Variants in SEPTIN9 observed in about 807,000 individuals in gnomAD.
The protein encoded by SEPTIN9 is septin 9.
In SEPTIN9, 13 loss-of-function variants were observed where a neutral mutation model predicts 56.6. The ratio of observed to expected loss-of-function variants is 0.23; its 90% CI spans 0.15 to 0.37. The LOEUF (loss-of-function observed/expected upper bound fraction) is 0.37. Among genes scored for constraint, SEPTIN9 ranks in the 10% least tolerant of loss-of-function variants. The pLI, the probability that SEPTIN9 is intolerant of heterozygous loss-of-function variation, is 1.00. For missense variants in SEPTIN9, 650 were observed against 823.1 expected (o/e 0.79, Z 2.57); for synonymous variants, 332 against 334.1 (o/e 0.99, Z 0.07).
Position 77,371,186 on chromosome 17 carries a change from G to A in SEPTIN9, c.77-30873G>A, listed in dbSNP as rs758116626. Among the ~76,000 whole-genome samples, 3 of 152,212 alleles carry A rather than the reference G, an allele frequency of 2.0e-5. No individual in the cohort carries two copies. The highest frequency in any genetic ancestry group is 2.9e-5 in the Non-Finnish European group (2 of 68,042). On this transcript the variant is annotated intron_variant, in intron 2 of 11. Transcript: ENST00000427177. The surrounding 1 kb of genome is among the most constrained non-coding windows in gnomAD (Gnocchi z 4.1). Reference sequence around the variant, plus strand: ...TAGGCCTGGTCATGTGGCTCTGAGTGATTACATTGAAGGGGCAGTGGCTGG... The same window carrying A: ...TAGGCCTGGTCATGTGGCTCTGAGTAATTACATTGAAGGGGCAGTGGCTGG...
intron 2 of SEPTIN9, among the ~76,000 whole-genome samples, chr17:77,334,776 G>A (rs2033481264): frequency 6.6e-6 from 1 of 152,034 alleles, no homozygotes; most frequent in South Asian, 2.1e-4. Context: ...ATAGCCGTCA[G>A]GATGTTGTAT....
intron 10 of SEPTIN9, among the ~76,000 whole-genome samples, chr17:77,493,457 C>T (rs934295869): frequency 4.6e-5 from 7 of 152,192 alleles, no homozygotes; most frequent in African/African-American, 1.2e-4. Flanking sequence ...GATGGACCCT[C>T]GGCCCCTTAC....
intron 2 of SEPTIN9, chr17:77,373,785 C>G (rs2034812594): frequency 4.4e-6 from 3 of 688,210 alleles, no homozygotes; most frequent in Non-Finnish European, 6.5e-6. Flanking sequence ...CGCGCCCTCA[C>G]AGGACCCTGT....
intron 3 of SEPTIN9, among the ~76,000 whole-genome samples, chr17:77,409,052 T>G (rs556493568): frequency 1.1e-3 from 169 of 152,072 alleles, no homozygotes; most frequent in African/African-American, 3.9e-3. Context: ...CTTCTGGAGG[T>G]GTCCAGAAGG....
At position 77,429,298 on chromosome 17, in the gene SEPTIN9, G is replaced by T. The variant is rs1257293690; in HGVS notation, c.721+26595G>T. The T allele has an allele frequency of 4.2e-6, 2 of 471,024 alleles. No homozygotes were observed. Among genetic ancestry groups the T allele is most frequent in the Admixed American group, 4.7e-5 (2 of 42,588 alleles). 29.2% of individuals were successfully genotyped at this position (471,024 alleles called of 1,614,324 possible). The stretch of plus-strand genomic sequence containing the variant: ...TTGATGGTGCCGATGCCGTCAGCAC[G>T]CAGGCCTCCTGCCCTCGCCACGACT... On this transcript the variant is annotated intron_variant, in intron 3 of 11. Transcript: ENST00000427177. The surrounding 1 kb of genome is among the most constrained non-coding windows in gnomAD (Gnocchi z 5.2).
chr17:77,442,910 CA>C (rs1408916423), intron 3 of SEPTIN9, among the ~76,000 whole-genome samples: 2 of 149,834 alleles, frequency 1.3e-5, no homozygotes, highest in East Asian at 2.0e-4. Flanking sequence ...CATATTATGG[CA>C]AAACAAATGA....
chr17:77,499,078 TCGGCCCTGTCCC>T lies in SEPTIN9; in HGVS notation c.*422_*433del. 1 of 535,674 alleles carries T rather than the reference TCGGCCCTGTCCC, an allele frequency of 1.9e-6. No homozygotes were observed. The highest frequency in any genetic ancestry group is 1.5e-5 in the South Asian group (1 of 65,218). 33.2% of individuals were successfully genotyped at this position (535,674 alleles called of 1,614,324 possible). A position where few individuals can be genotyped will look rare whatever the true frequency, so the allele number is the denominator to read the frequency against. ...GGCTGCACGCTCCCCTCCATCCCCATCGGCCCTGTCCCCTGGAGTGTGTCAGAGCCCAGGGGA... is the reference window on the plus strand; with the variant it reads ...GGCTGCACGCTCCCCTCCATCCCCATCTGGAGTGTGTCAGAGCCCAGGGGA... On this transcript the variant is annotated 3_prime_UTR_variant, in exon 12 of 12. Transcript: ENST00000427177.
intron 4 of SEPTIN9, among the ~76,000 whole-genome samples, chr17:77,486,410 A>AT (rs141464313): frequency 6.6e-6 from 1 of 150,526 alleles, no homozygotes. Flanking sequence ...GGCCTAGGGT[A>AT]TTTTTTTTGG....
At chr17:77,447,382 C>T (rs2037782243) in intron 3 of SEPTIN9, among the ~76,000 whole-genome samples, 1 of 152,198 alleles carries the variant, frequency 6.6e-6, no homozygotes, top group Non-Finnish European at 1.5e-5. Context: ...TCAGGACCCT[C>T]CACCAAAAAA....
At chr17:77,439,183 G>A (rs778150401) in intron 3 of SEPTIN9, among the ~76,000 whole-genome samples, 3 of 152,184 alleles carry the variant, frequency 2.0e-5, no homozygotes, top group Non-Finnish European at 4.4e-5. Flanking sequence ...CCCAGTTCCT[G>A]CTCCAAAGTG....
chr17:77,493,031 G>C lies in SEPTIN9; in HGVS notation c.1528G>C (p.Gly510Arg). 1 of 1,569,768 alleles carries C rather than the reference G, an allele frequency of 6.4e-7. No homozygotes were observed. The highest frequency in any genetic ancestry group is 8.6e-7 in the Non-Finnish European group (1 of 1,157,746). Residue 510 changes from glycine (G) to arginine (R), a missense_variant, in exon 10 of 12, where the codon GGC (glycine) becomes CGC (arginine). Physicochemically the swap from Gly to Arg is moderately radical, Grantham distance 125 (BLOSUM62 -2). Coordinates refer to ENST00000427177, the MANE Select transcript of SEPTIN9 (RefSeq NM_001113491.2). ...VGSDHEYQVN[G>R]KRILGRKTKW... The stretch of plus-strand genomic sequence containing the variant: ...CAGTGACCACGAGTACCAGGTCAAC[G>C]GCAAGAGGATCCTTGGGAGGAAGAC...
intron 3 of SEPTIN9, among the ~76,000 whole-genome samples, chr17:77,427,373 G>A (rs2036952978): frequency 6.6e-6 from 1 of 152,228 alleles, no homozygotes; most frequent in South Asian, 2.1e-4. Flanking sequence ...GAGGCTTTGG[G>A]AAGCTGAGTT....
chr17:77,403,825 C>T (rs150313541), intron 3 of SEPTIN9, among the ~76,000 whole-genome samples: 88 of 152,300 alleles, frequency 5.8e-4, no homozygotes, highest in Non-Finnish European at 9.3e-4. Flanking sequence ...TACGTTTCAG[C>T]GGCATTCAGT....
rs779564965 is a variant in SEPTIN9 at position 77,445,545 on chromosome 17, C to T, written c.722-36599C>T. 4.1e-5 allele frequency: 16 copies of T among 389,610 alleles called. No homozygotes were observed. The highest frequency in any genetic ancestry group is 6.4e-5 in the Admixed American group (2 of 31,494). The allele number at this position is 389,610 out of a possible 1,614,324, so 24.1% of individuals were successfully genotyped here. A position where few individuals can be genotyped will look rare whatever the true frequency, so the allele number is the denominator to read the frequency against. On this transcript the variant is annotated intron_variant, in intron 3 of 11. Coordinates refer to ENST00000427177, the MANE Select transcript of SEPTIN9 (RefSeq NM_001113491.2). The surrounding 1 kb of genome is among the most constrained non-coding windows in gnomAD (Gnocchi z 4.7). ...ACGCACGTGTGTGTGTGTGTGCGTG[C>T]GTGCTGGGTGGGTAGGGAGGAAGCT...
chr17:77,466,096 ACACACACACACG>A (rs1447662530), intron 3 of SEPTIN9, among the ~76,000 whole-genome samples: 9 of 144,288 alleles, frequency 6.2e-5, no homozygotes, highest in African/African-American at 2.3e-4. Flanking sequence ...ACACACACAC[ACACACACACACG>A]AGTAAACTGT....
In SEPTIN9 at chr17:77,330,773, G is replaced by T. The variant is rs2033317667; in HGVS notation, c.76+23576G>T. Among the ~76,000 whole-genome samples, 1 of 152,260 alleles carries T rather than the reference G, an allele frequency of 6.6e-6. No homozygotes were observed. The highest frequency in any genetic ancestry group is 2.1e-4 in the South Asian group (1 of 4,836). On this transcript the variant is annotated intron_variant, in intron 2 of 11. Coordinates refer to ENST00000427177, the MANE Select transcript of SEPTIN9 (RefSeq NM_001113491.2). The surrounding 1 kb of genome is among the most constrained non-coding windows in gnomAD (Gnocchi z 4.4). ...GTCCGGCAGCAGAAGGGAACCCCGG[G>T]CCTGGGCCTCTCCATTCTGTGGCGT...
chr17:77,380,410 G>A (rs773326214), intron 2 of SEPTIN9, among the ~76,000 whole-genome samples: 3 of 151,584 alleles, frequency 2.0e-5, no homozygotes, highest in Non-Finnish European at 2.9e-5. Flanking sequence ...CTTCTTTCTC[G>A]GAAATTTCTG....
chr17:77,484,567 GGTGATGGTGGTTATGATGGTGGTAATT>G (rs2039607273), intron 4 of SEPTIN9, among the ~76,000 whole-genome samples: 1 of 101,776 alleles, frequency 9.8e-6, no homozygotes, highest in East Asian at 2.8e-4. Context: ...TGGTGATTGT[GGTGATGGTGGTTATGATGGTGGTAATT>G]GTGATGGTGG....
chr17:77,289,390 C>G (rs2031429980), intron 1 of SEPTIN9, among the ~76,000 whole-genome samples: 1 of 151,082 alleles, frequency 6.6e-6, no homozygotes, highest in South Asian at 2.1e-4. Context: ...AGCTACCGCG[C>G]CCAGCTTGCA....
Sources: gnomAD v4.1 joint callset for allele counts (sites outside exome capture counted in the v4.1 genomes callset) on GRCh38, gnomAD v4.1.1 for gene constraint, Gnocchi (gnomAD v3.1) non-coding constraint, MANE v1.5 for transcripts, NCBI Gene and HGNC (gene_info 2026-07-23, HGNC 2026-07-21) for gene names.